Variants in KCNK6 observed in about 807,000 individuals in gnomAD.
KCNK6 encodes potassium two pore domain channel subfamily K member 6, also known as potassium channel subfamily K member 6.
Under a neutral mutation model 21.9 loss-of-function variants are expected in KCNK6, and 20 were observed. That is an observed-to-expected ratio of 0.91 (90% CI 0.64 to 1.32). The LOEUF is 1.32. Ranked by LOEUF, KCNK6 falls within the 40% of genes most tolerant of loss-of-function variation. The probability of loss-of-function intolerance (pLI) is 0.00; values close to 1 mark genes in which losing one functional copy is unlikely to be tolerated. For missense variants in KCNK6, 415 were observed against 433.1 expected, an observed-to-expected ratio of 0.96 and a Z score of 0.37; for synonymous variants, 210 against 218.0, an observed-to-expected ratio of 0.96 and a Z score of 0.32.
intron 1 of KCNK6, among the ~76,000 whole-genome samples, chr19:38,324,636 T>TGAAATCTCTG (rs1159802005): frequency 6.6e-6 from 1 of 152,166 alleles, no homozygotes; most frequent in Non-Finnish European, 1.5e-5. Context: ...GAATACCTCA[T>TGAAATCTCTG]TGGCCAGAGA....
rs1969723011 is a variant in KCNK6 at position 38,327,311 on chromosome 19, G to A, written c.850G>A (p.Asp284Asn). ...PCPASFNADE[D>N]DRVDILGPQP... ...CCCTGCCAGTTTCAATGCGGATGAGGACGATCGGGTGGACATCCTGGGCCC... is the reference window on the plus strand; with the variant it reads ...CCCTGCCAGTTTCAATGCGGATGAGAACGATCGGGTGGACATCCTGGGCCC... Residue 284 changes from aspartate to asparagine, a missense_variant, in exon 3 of 3, where the codon GAC becomes AAC. Asp to Asn is a conservative substitution (Grantham distance 23). Coordinates refer to ENST00000263372, the MANE Select transcript of KCNK6 (RefSeq NM_004823.3). The A allele has an allele frequency of 6.2e-7, 1 of 1,613,518 alleles. No individual in the cohort carries two copies. The highest frequency in any genetic ancestry group is 8.5e-7 in the Non-Finnish European group (1 of 1,180,026).
chr19:38,330,324 T>G lies in KCNK6; in HGVS notation c.*2921T>G. The G allele has an allele frequency of 7.2e-6, 1 of 138,730 alleles. No homozygotes were observed. The allele number at this position is 138,730 out of a possible 1,614,324, so 8.6% of individuals were successfully genotyped here. A position where few individuals can be genotyped will look rare whatever the true frequency, so the allele number is the denominator to read the frequency against. ...GCCTGGGCGAAACAGAGACTCTGTC[T>G]CAAAAAAAAAAAAAAAGTCATAGGG... On this transcript the variant is annotated 3_prime_UTR_variant, in exon 3 of 3. Transcript: ENST00000263372.
rs1245197555 is a variant in KCNK6, at chr19:38,328,266, C to T, written c.*863C>T. 2 of 152,280 alleles carry T rather than the reference C, an allele frequency of 1.3e-5. No homozygotes were observed. Among genetic ancestry groups the T allele is most frequent in the Non-Finnish European group, 2.9e-5 (2 of 68,108 alleles). 9.4% of individuals were successfully genotyped at this position (152,280 alleles called of 1,614,324 possible). On this transcript the variant is annotated 3_prime_UTR_variant, in exon 3 of 3. Transcript: ENST00000263372. Reference sequence around the variant, plus strand: ...CCAGGGAGCAGGACCCATGGAGGGACCCCTGGTGTAGGCCTGGGCGATAGA... The same window carrying T: ...CCAGGGAGCAGGACCCATGGAGGGATCCCTGGTGTAGGCCTGGGCGATAGA...
chr19:38,327,013 C>A, intron 2 of KCNK6, 25 bp downstream of exon 2: 2 of 1,582,718 alleles, frequency 1.3e-6, no homozygotes, highest in Non-Finnish European at 1.7e-6. Context: ...TAGGGCAGGG[C>A]TTTGAGGAGG....
rs1969631151 is a variant in KCNK6, at chr19:38,320,110, G to C, written c.160G>C (p.Val54Leu). The change falls in exon 1 of 3, where the codon GTG becomes CTG. Residue 54 changes from valine to leucine, a missense_variant. Val to Leu is a conservative substitution (Grantham distance 32). Coordinates refer to ENST00000263372, the MANE Select transcript of KCNK6 (RefSeq NM_004823.3). Reference protein sequence around the residue: ...RAQLLQRSPCVAAPALDAFVE... With the variant: ...RAQLLQRSPCLAAPALDAFVE... ...GCAGCTGCTTCAGCGCAGCCCGTGT[G>C]TGGCTGCCCCCGCCCTGGACGCCTT... 6.4e-7 allele frequency: 1 copy of C among 1,573,220 alleles called. No individual in the cohort carries two copies. Among genetic ancestry groups the C allele is most frequent in the African/African-American group, 1.4e-5 (1 of 73,698 alleles).
Position 38,319,925 on chromosome 19 carries a change from G to A in KCNK6, c.-26G>A, listed in dbSNP as rs116273640. ...GGGGCCACGTCAGCGGGGCCACCCA[G>A]GGCTCGCGGGGTCCCGGTGGGTGCC... On this transcript the variant is annotated 5_prime_UTR_variant, in exon 1 of 3. Transcript: ENST00000263372. 5.7e-5 allele frequency: 79 copies of A among 1,395,264 alleles called. No homozygotes were observed. In the African/African-American group the frequency reaches 9.9e-4, roughly 17 times the overall value. The allele number at this position is 1,395,264 out of a possible 1,614,324, so 86.4% of individuals were successfully genotyped here. A position where few individuals can be genotyped will look rare whatever the true frequency, so the allele number is the denominator to read the frequency against.
chr19:38,327,739 C>G lies in KCNK6; in HGVS notation c.*336C>G, dbSNP rs758430268. On this transcript the variant is annotated 3_prime_UTR_variant, in exon 3 of 3. Transcript: ENST00000263372. ...TTTCTCATTCTCTTTCATGTTCCGT[C>G]TGTGTCTCTCAATTAACCACTCGTC... 14 of 346,400 alleles carry G rather than the reference C, an allele frequency of 4.0e-5. No homozygotes were observed. Among genetic ancestry groups the G allele is most frequent in the Non-Finnish European group, 7.6e-5 (14 of 183,400 alleles). The allele number at this position is 346,400 out of a possible 1,614,324, so 21.5% of individuals were successfully genotyped here. A position where few individuals can be genotyped will look rare whatever the true frequency, so the allele number is the denominator to read the frequency against.
rs1230688103 is a variant in KCNK6 at position 38,329,985 on chromosome 19, CT to C, written c.*2585del. The C allele has an allele frequency of 6.6e-6, 1 of 152,296 alleles. No homozygotes were observed. Among genetic ancestry groups the C allele is most frequent in the Admixed American group, 6.6e-5 (1 of 15,262 alleles). 9.4% of individuals were successfully genotyped at this position (152,296 alleles called of 1,614,324 possible). On this transcript the variant is annotated 3_prime_UTR_variant, in exon 3 of 3. Coordinates refer to ENST00000263372, the MANE Select transcript of KCNK6 (RefSeq NM_004823.3). Reference sequence around the variant, plus strand: ...GGTTTTAGCGGAGACGCTGAGGCTGCTTTAGAATATGGTGGGTGTGTGGGGC... The same window carrying C: ...GGTTTTAGCGGAGACGCTGAGGCTGCTTAGAATATGGTGGGTGTGTGGGGC...
At chr19:38,323,975 C>T (rs1323788563) in intron 1 of KCNK6, among the ~76,000 whole-genome samples, 1 of 152,106 alleles carries the variant, frequency 6.6e-6, no homozygotes, top group African/African-American at 2.4e-5. Flanking sequence ...CAAAGTCATG[C>T]AGGGAGTAAA....
intron 1 of KCNK6, among the ~76,000 whole-genome samples, chr19:38,322,820 A>C (rs1447470896): frequency 6.7e-6 from 1 of 149,420 alleles, no homozygotes; most frequent in Non-Finnish European, 1.5e-5. Context: ...ATCTCAAAAA[A>C]ACAAAAAACA....
At position 38,330,887 on chromosome 19, in the gene KCNK6, C is replaced by G. The variant is rs572106969; in HGVS notation, c.*3484C>G. 1 of 152,322 alleles carries G rather than the reference C, an allele frequency of 6.6e-6. No individual in the cohort carries two copies. Among genetic ancestry groups the G allele is most frequent in the East Asian group, 1.9e-4 (1 of 5,192 alleles). The allele number at this position is 152,322 out of a possible 1,614,324, so 9.4% of individuals were successfully genotyped here. A position where few individuals can be genotyped will look rare whatever the true frequency, so the allele number is the denominator to read the frequency against. On this transcript the variant is annotated 3_prime_UTR_variant, in exon 3 of 3. Transcript: ENST00000263372. ...GTCTAGCCCTTTCTCAGCCTCCCAA[C>G]CTTCTCGGTTCCTTACCTATGTCAC...
At chr19:38,322,841 G>A (rs940828362) in intron 1 of KCNK6, among the ~76,000 whole-genome samples, 1 of 149,178 alleles carries the variant, frequency 6.7e-6, no homozygotes, top group Non-Finnish European at 1.5e-5. Context: ...GGCCGGGCAA[G>A]TTGGCTCACG....
rs1446786141 is a variant in KCNK6, at chr19:38,331,929, C to T, written c.*4526C>T. 6.6e-6 allele frequency: 1 copy of T among 152,174 alleles called. No homozygotes were observed. Among genetic ancestry groups the T allele is most frequent in the Non-Finnish European group, 1.5e-5 (1 of 68,054 alleles). 9.4% of individuals were successfully genotyped at this position (152,174 alleles called of 1,614,324 possible). ...TGGCTTTGGGCAAGTGATTTCACCT[C>T]CATGTGCCTCAGTTTGCTAGTCTGT... On this transcript the variant is annotated 3_prime_UTR_variant, in exon 3 of 3. Coordinates refer to ENST00000263372, the MANE Select transcript of KCNK6 (RefSeq NM_004823.3).
chr19:38,321,463 C>T (rs967118834), intron 1 of KCNK6, among the ~76,000 whole-genome samples: 1 of 152,234 alleles, frequency 6.6e-6, no homozygotes, highest in African/African-American at 2.4e-5. Context: ...TTCAGCAGCC[C>T]CAGCTAGGGA....
At chr19:38,327,114 G>A in intron 2 of KCNK6, 66 bp from the exon 3 acceptor site, 1 of 1,587,026 alleles carries the variant, frequency 6.3e-7, no homozygotes, top group Non-Finnish European at 8.6e-7. Context: ...GGGTCCAGTA[G>A]AACTGCGGCC....
At chr19:38,322,377 T>C (rs1969660584) in intron 1 of KCNK6, among the ~76,000 whole-genome samples, 1 of 152,196 alleles carries the variant, frequency 6.6e-6, no homozygotes. Context: ...CAAACACAGC[T>C]GGAGTTTTAT....
chr19:38,322,247 G>C (rs554174755), intron 1 of KCNK6, among the ~76,000 whole-genome samples: 1 of 152,144 alleles, frequency 6.6e-6, no homozygotes, highest in Non-Finnish European at 1.5e-5. Flanking sequence ...TTAGAAGAAG[G>C]GTGCTGTGTG....
chr19:38,321,655 C>T (rs1474425119), intron 1 of KCNK6, among the ~76,000 whole-genome samples: 1 of 152,214 alleles, frequency 6.6e-6, no homozygotes, highest in Non-Finnish European at 1.5e-5. Flanking sequence ...CAGGGTTAGC[C>T]CAGACTCCTA....
chr19:38,327,536 T>C lies in KCNK6; in HGVS notation c.*133T>C. The C allele has an allele frequency of 2.5e-6, 2 of 802,412 alleles. No homozygotes were observed. The highest frequency in any genetic ancestry group is 1.8e-5 in the South Asian group (1 of 57,084). 49.7% of individuals were successfully genotyped at this position (802,412 alleles called of 1,614,324 possible). On this transcript the variant is annotated 3_prime_UTR_variant, in exon 3 of 3. Coordinates refer to ENST00000263372, the MANE Select transcript of KCNK6 (RefSeq NM_004823.3). Reference sequence around the variant, plus strand: ...AGGCCTTGCCGTCCACCGTCTCTCCTTTGTTTCCCAGCATCTGGCTGGGAT... The same window carrying C: ...AGGCCTTGCCGTCCACCGTCTCTCCCTTGTTTCCCAGCATCTGGCTGGGAT...
Sources: gnomAD v4.1 joint callset for allele counts (sites outside exome capture counted in the v4.1 genomes callset) on GRCh38, gnomAD v4.1.1 for gene constraint, MANE v1.5 for transcripts, NCBI Gene and HGNC (gene_info 2026-07-23, HGNC 2026-07-21) for gene names.